The following UBE2O variants were observed in gnomAD, a reference collection of about 807,000 sequenced individuals.
UBE2O encodes the protein ubiquitin conjugating enzyme E2 O.
A neutral mutation model predicts 125.8 loss-of-function variants in UBE2O; 15 were observed. That is an observed-to-expected ratio of 0.12 (90% CI 0.08 to 0.18). The LOEUF is 0.18. Ranked by LOEUF, UBE2O falls within the 10% of genes least tolerant of loss-of-function variation. UBE2O has a pLI of 1.00. For synonymous variants in UBE2O, 708 were observed against 703.2 expected (o/e 1.01, Z -0.11); for missense variants, 1,280 against 1,723.6 (o/e 0.74, Z 4.56).
Position 76,405,332 on chromosome 17 carries a change from G to T in UBE2O, c.478-16C>A. The T allele has an allele frequency of 6.3e-7, 1 of 1,598,358 alleles. No individual in the cohort carries two copies. Among genetic ancestry groups the T allele is most frequent in the South Asian group, 1.1e-5 (1 of 90,134 alleles). On this transcript the variant is annotated splice_polypyrimidine_tract_variant and intron_variant, in intron 2 of 17. Transcript: ENST00000319380. The surrounding 1 kb of genome is among the most constrained non-coding windows in gnomAD (Gnocchi z 6.1). ...ACTGACTGTCCTGGGGGAGGGAGGA[G>T]ACATGCAAGTCCCGTGGTGCAGCAG...
Position 76,396,204 on chromosome 17 carries a change from C to T in UBE2O, c.2733G>A (p.Gln911=). 1 of 1,614,140 alleles carries T rather than the reference C, an allele frequency of 6.2e-7. No homozygotes were observed. Among genetic ancestry groups the T allele is most frequent in the East Asian group, 2.2e-5 (1 of 44,884 alleles). ...EWPSETPVLC[Q]QCGGKPGVTF... ...TGACGCCAGGCTTGCCGCCACACTG[C>T]TGGCACAGCACCGGGGTTTCGCTGG... Residue 911 remains glutamine, a synonymous_variant, in exon 14 of 18, where the codon CAG becomes CAA. Coordinates refer to ENST00000319380, the MANE Select transcript of UBE2O (RefSeq NM_022066.4). The surrounding 1 kb of genome is among the most constrained non-coding windows in gnomAD (Gnocchi z 6.7).
chr17:76,433,753 T>C (rs2072940265), intron 1 of UBE2O, among the ~76,000 whole-genome samples: 1 of 149,490 alleles, frequency 6.7e-6, no homozygotes, highest in Non-Finnish European at 1.5e-5. Flanking sequence ...TTTCGGCCAG[T>C]GCGGTGGCCT....
intron 3 of UBE2O, among the ~76,000 whole-genome samples, chr17:76,403,396 G>A (rs1324309199): frequency 6.6e-6 from 1 of 152,020 alleles, no homozygotes; most frequent in Non-Finnish European, 1.5e-5. Context: ...AGTCTTCTGA[G>A]TAGCTGGGAC....
intron 1 of UBE2O, among the ~76,000 whole-genome samples, chr17:76,411,413 C>A (rs973612781): frequency 6.6e-6 from 1 of 152,214 alleles, no homozygotes; most frequent in African/African-American, 2.4e-5. Context: ...AGGGAAAAGG[C>A]GGCTTTGTGC....
intron 1 of UBE2O, among the ~76,000 whole-genome samples, chr17:76,423,896 CTTTTT>C (rs746126675): frequency 2.4e-5 from 2 of 83,506 alleles, no homozygotes; most frequent in South Asian, 5.3e-4. Context: ...AGGTTGGGTT[CTTTTT>C]TTTTTTTTTT....
chr17:76,402,197 G>C lies in UBE2O; in HGVS notation c.687-70C>G, dbSNP rs1208621053. The C allele has an allele frequency of 1.4e-6, 2 of 1,414,172 alleles. No homozygotes were observed. The highest frequency in any genetic ancestry group is 1.4e-5 in the African/African-American group (1 of 70,656). 87.6% of individuals were successfully genotyped at this position (1,414,172 alleles called of 1,614,324 possible). A position where few individuals can be genotyped will look rare whatever the true frequency, so the allele number is the denominator to read the frequency against. On this transcript the variant is annotated intron_variant, in intron 4 of 17. Transcript: ENST00000319380. This position sits in a 1 kb window ranked among gnomAD's most constrained non-coding sequence, Gnocchi z 5.4. ...GAGTACCAAAAAGTTGCGATTCTGA[G>C]ATGCCAATGCGCCCACATGCCCTAA...
Position 76,438,269 on chromosome 17 carries a change from T to C in UBE2O, c.417+14456A>G, listed in dbSNP as rs1185852033. On this transcript the variant is annotated intron_variant, in intron 1 of 17. Transcript: ENST00000319380. ...TCTGGGGGTGGATGGTGGGGATGGTTGCACAACAATGGGAATGTACTTAAT... is the reference window on the plus strand; with the variant it reads ...TCTGGGGGTGGATGGTGGGGATGGTCGCACAACAATGGGAATGTACTTAAT... Among the ~76,000 whole-genome samples, 3 of 152,290 alleles carry C rather than the reference T, an allele frequency of 2.0e-5. No individual in the cohort carries two copies. In the East Asian group the frequency reaches 5.8e-4, roughly 29 times the overall value.
intron 5 of UBE2O, chr17:76,401,800 C>G (rs1320979378): frequency 1.5e-5 from 4 of 262,044 alleles, no homozygotes; most frequent in African/African-American, 2.4e-5. Flanking sequence ...CACTTGAACC[C>G]GGGAGGTGGA....
In UBE2O at chr17:76,402,592, G is replaced by A. The variant is rs752756709; in HGVS notation, c.686+10C>T. 4.5e-5 allele frequency: 73 copies of A among 1,612,544 alleles called. No individual in the cohort carries two copies. Among genetic ancestry groups the A allele is most frequent in the Non-Finnish European group, 6.1e-5 (72 of 1,178,712 alleles). On this transcript the variant is annotated intron_variant, in intron 4 of 17. Transcript: ENST00000319380. The surrounding 1 kb of genome is among the most constrained non-coding windows in gnomAD (Gnocchi z 5.4). ...CCCAAGCCGATGGCTCTCTGGTGGT[G>A]AGACTCTACCTGGCGCCGTTGGATA... is the stretch of plus-strand genomic sequence containing the variant.
At position 76,398,190 on chromosome 17, in the gene UBE2O, T is replaced by C. The variant is rs955247109; in HGVS notation, c.2025+65A>G. On this transcript the variant is annotated intron_variant, in intron 12 of 17. Transcript: ENST00000319380. The surrounding 1 kb of genome is among the most constrained non-coding windows in gnomAD (Gnocchi z 5.4). Reference sequence around the variant, plus strand: ...CTCCTAGAGCCACCTGGTGGCAGCATCAGGGACTGCAGCTGGTGCACAGGG... The same window carrying C: ...CTCCTAGAGCCACCTGGTGGCAGCACCAGGGACTGCAGCTGGTGCACAGGG... 6.2e-6 allele frequency: 10 copies of C among 1,601,058 alleles called. No individual in the cohort carries two copies. The African/African-American group carries it at 1.1e-4, about 17-fold the overall frequency.
At chr17:76,401,200 C>T (rs760589670) in intron 5 of UBE2O, 46 bp from the exon 6 acceptor site, 9 of 1,600,296 alleles carry the variant, frequency 5.6e-6, no homozygotes, top group Non-Finnish European at 7.7e-6. Context: ...GCGGTGTCTC[C>T]ATGGGTGACC....
chr17:76,428,503 G>C (rs1287222254), intron 1 of UBE2O, among the ~76,000 whole-genome samples: 1 of 152,130 alleles, frequency 6.6e-6, no homozygotes, highest in Non-Finnish European at 1.5e-5. Flanking sequence ...TTTATTTCAT[G>C]GATAAAATAT....
rs750941760 is a variant in UBE2O at position 76,391,888 on chromosome 17, G to A, written c.3150+22C>T. The A allele has an allele frequency of 1.2e-6, 2 of 1,613,496 alleles. No homozygotes were observed. Among genetic ancestry groups the A allele is most frequent in the South Asian group, 2.2e-5 (2 of 91,002 alleles). On this transcript the variant is annotated intron_variant, in intron 16 of 17. Transcript: ENST00000319380. This position sits in a 1 kb window ranked among gnomAD's most constrained non-coding sequence, Gnocchi z 8.4. ...CAGTGGCTCTTCCTCCTTCTTGGCT[G>A]GGGGCCTGGCCCTATACTCACCTTT...
intron 1 of UBE2O, among the ~76,000 whole-genome samples, chr17:76,419,709 C>G (rs1029884527): frequency 6.6e-6 from 1 of 152,222 alleles, no homozygotes; most frequent in African/African-American, 2.4e-5. Context: ...AGAGCAGATC[C>G]CGCCAGCACG....
chr17:76,400,711 C>G lies in UBE2O; in HGVS notation c.895-161G>C, dbSNP rs1244809075. Among the ~76,000 whole-genome samples the G allele has an allele frequency of 6.6e-6, 1 of 152,176 alleles. No individual in the cohort carries two copies. Among genetic ancestry groups the G allele is most frequent in the African/African-American group, 2.4e-5 (1 of 41,438 alleles). ...GAGCAGGCCCCAACTGTAACCACGG[C>G]CCCCACCCAATGCCCAGGACCAGTG... On this transcript the variant is annotated intron_variant, in intron 6 of 17. Coordinates refer to ENST00000319380, the MANE Select transcript of UBE2O (RefSeq NM_022066.4). The surrounding 1 kb of genome is among the most constrained non-coding windows in gnomAD (Gnocchi z 4.3).
intron 1 of UBE2O, among the ~76,000 whole-genome samples, chr17:76,418,817 C>T (rs1348902499): frequency 2.0e-5 from 3 of 152,158 alleles, no homozygotes; most frequent in East Asian, 1.9e-4. Flanking sequence ...GATCCACCCG[C>T]GTCGGCCTCC....
At chr17:76,439,732 C>T (rs543165909) in intron 1 of UBE2O, among the ~76,000 whole-genome samples, 17 of 152,284 alleles carry the variant, frequency 1.1e-4, no homozygotes, top group Admixed American at 1.0e-3. Context: ...CCTTTATGCG[C>T]ACTGGACTTC....
chr17:76,398,463 T>C lies in UBE2O; in HGVS notation c.1896+9A>G, dbSNP rs1281826271. On this transcript the variant is annotated intron_variant, in intron 11 of 17. Transcript: ENST00000319380. This position sits in a 1 kb window ranked among gnomAD's most constrained non-coding sequence, Gnocchi z 5.4. ...CCCACCTGAAGCAAGCAGTAGGGGC[T>C]GCACACACCTCCACGTCGTCCCCAC... The C allele has an allele frequency of 6.2e-7, 1 of 1,613,986 alleles. No homozygotes were observed. The highest frequency in any genetic ancestry group is 8.5e-7 in the Non-Finnish European group (1 of 1,180,010).
intron 3 of UBE2O, among the ~76,000 whole-genome samples, chr17:76,403,433 C>A (rs1272997355): frequency 6.6e-6 from 1 of 151,858 alleles, no homozygotes; most frequent in Non-Finnish European, 1.5e-5. Flanking sequence ...CGTGCCTGGC[C>A]AATTTTTTCA....
Sources: allele counts gnomAD v4.1 joint callset (sites outside exome capture counted in the v4.1 genomes callset), GRCh38; gene constraint gnomAD v4.1.1; non-coding constraint Gnocchi (gnomAD v3.1); transcripts MANE v1.5; gene names NCBI Gene and HGNC (gene_info 2026-07-23, HGNC 2026-07-21).